NRXN1: variants seen among roughly 807,000 people sequenced by gnomAD.
The protein encoded by NRXN1 is neurexin 1.
In NRXN1, 39 loss-of-function variants were observed where a neutral mutation model predicts 150.9. The observed-to-expected ratio is 0.26, with a 90% CI of 0.20 to 0.34. The LOEUF (loss-of-function observed/expected upper bound fraction) is 0.34, where lower values mean the gene tolerates loss of function less well. Among genes scored for constraint, NRXN1 ranks in the 10% least tolerant of loss-of-function variants. The pLI is 1.00. For missense variants in NRXN1, 1,815 were observed against 1,949.9 expected (o/e 0.93, Z 1.30); for synonymous variants, 924 against 757.0 (o/e 1.22, Z -3.62).
intron 2 of NRXN1, among the ~76,000 whole-genome samples, chr2:50,945,381 T>G (rs970544980): frequency 6.6e-6 from 1 of 152,068 alleles, no homozygotes; most frequent in Non-Finnish European, 1.5e-5. Flanking sequence ...GGAGGATTGC[T>G]TGAGCCCAAG....
intron 17 of NRXN1, among the ~76,000 whole-genome samples, chr2:50,275,952 T>G (rs964695961): frequency 2.2e-5 from 3 of 133,826 alleles, no homozygotes; most frequent in Non-Finnish European, 4.6e-5. Flanking sequence ...TTTTTGATGA[T>G]AATAATTATC....
intron 17 of NRXN1, among the ~76,000 whole-genome samples, chr2:50,363,661 A>G (rs1039837027): frequency 7.9e-5 from 12 of 152,334 alleles, no homozygotes; most frequent in Admixed American, 6.5e-4. Context: ...AATTAGTTCA[A>G]CCATTGTGGA....
At chr2:50,003,725 T>C (rs1684311214) in intron 21 of NRXN1, among the ~76,000 whole-genome samples, 1 of 152,186 alleles carries the variant, frequency 6.6e-6, no homozygotes, top group African/African-American at 2.4e-5. Flanking sequence ...TTCCATACCA[T>C]AATACAGTGT....
chr2:50,001,176 T>G (rs1683853043), intron 21 of NRXN1, among the ~76,000 whole-genome samples: 1 of 152,148 alleles, frequency 6.6e-6, no homozygotes, highest in Non-Finnish European at 1.5e-5. Flanking sequence ...ATTTAACATC[T>G]CTAATTTCAG....
intron 18 of NRXN1, among the ~76,000 whole-genome samples, chr2:50,154,376 C>G (rs976392161): frequency 6.7e-5 from 10 of 150,032 alleles, no homozygotes; most frequent in African/African-American, 2.4e-4. Flanking sequence ...TAAAATTAAA[C>G]AAAAAAAACA....
Position 50,601,567 on chromosome 2 carries a change from C to T in NRXN1, c.1320+18455G>A, listed in dbSNP as rs185611158. Among the ~76,000 whole-genome samples the T allele has an allele frequency of 9.9e-4, 150 of 152,242 alleles. 1 individual carries two copies. Among genetic ancestry groups the T allele is most frequent in the Non-Finnish European group, 1.6e-3 (111 of 68,014 alleles). On this transcript the variant is annotated intron_variant, in intron 8 of 22. Transcript: ENST00000401669. ...TGTTCAAAGATATCCAAAATGTTCA[C>T]CCTTGGCAAGCGATGGATGGGAAGA...
At chr2:50,977,020 T>C (rs1695951154) in intron 2 of NRXN1, among the ~76,000 whole-genome samples, 1 of 152,000 alleles carries the variant, frequency 6.6e-6, no homozygotes, top group African/African-American at 2.4e-5. Flanking sequence ...TTCTTAGAAT[T>C]AGCACTTCTT....
intron 8 of NRXN1, among the ~76,000 whole-genome samples, chr2:50,598,427 T>G (rs942360740): frequency 6.6e-5 from 10 of 151,268 alleles, no homozygotes; most frequent in Admixed American, 6.6e-4. Flanking sequence ...TAAAATAAAA[T>G]AAACTTTTTT....
intron 5 of NRXN1, chr2:50,916,893 A>G (rs1685282913): frequency 6.6e-6 from 1 of 151,734 alleles, no homozygotes; most frequent in Non-Finnish European, 1.5e-5. Context: ...GAGATAATAC[A>G]TAAGCATATA....
intron 5 of NRXN1, among the ~76,000 whole-genome samples, chr2:50,676,427 A>G (rs1370691862): frequency 6.6e-6 from 1 of 152,196 alleles, no homozygotes; most frequent in Non-Finnish European, 1.5e-5. Flanking sequence ...TTAAGAGGAT[A>G]GGTTTTAGCG....
chr2:50,551,453 G>C (rs561435108), intron 9 of NRXN1: 30 of 152,376 alleles, frequency 2.0e-4, no homozygotes, highest in African/African-American at 7.2e-4. Flanking sequence ...GAGTTAACAA[G>C]TACTGAGGGA....
chr2:50,675,117 G>A (rs1689371682), intron 5 of NRXN1, among the ~76,000 whole-genome samples: 1 of 151,978 alleles, frequency 6.6e-6, no homozygotes, highest in Non-Finnish European at 1.5e-5. Flanking sequence ...ACCTTTCTGA[G>A]GCCTCACCAG....
chr2:50,278,131 G>A (rs1365723579), intron 17 of NRXN1, among the ~76,000 whole-genome samples: 1 of 135,320 alleles, frequency 7.4e-6, no homozygotes, highest in Non-Finnish European at 1.5e-5. Context: ...GGCAGTGGCA[G>A]GATCTTGGCT....
At chr2:50,535,367 T>C (rs1411944525) in intron 10 of NRXN1, among the ~76,000 whole-genome samples, 2 of 152,374 alleles carry the variant, frequency 1.3e-5, no homozygotes, top group South Asian at 2.1e-4. Flanking sequence ...TTTCCTTTTC[T>C]ACATTATTCT....
At chr2:50,795,094 A>C (rs1706615079) in intron 5 of NRXN1, among the ~76,000 whole-genome samples, 1 of 152,120 alleles carries the variant, frequency 6.6e-6, no homozygotes, top group South Asian at 2.1e-4. Context: ...AGTTAGTAGG[A>C]GATCATGGAG....
chr2:50,312,283 T>C (rs575531157), intron 17 of NRXN1, among the ~76,000 whole-genome samples: 1 of 152,230 alleles, frequency 6.6e-6, no homozygotes, highest in Admixed American at 6.6e-5. Flanking sequence ...AATGAAGAAT[T>C]ATGCTATTGG....
chr2:50,395,709 A>C (rs1371725885), intron 17 of NRXN1, among the ~76,000 whole-genome samples: 1 of 152,166 alleles, frequency 6.6e-6, no homozygotes, highest in Non-Finnish European at 1.5e-5. Context: ...ATATCATATA[A>C]GTTCCTGTGA....
chr2:50,316,853 G>A (rs2075650015), intron 17 of NRXN1, among the ~76,000 whole-genome samples: 1 of 151,854 alleles, frequency 6.6e-6, no homozygotes, highest in Non-Finnish European at 1.5e-5. Context: ...GAAAACCTAA[G>A]GTGAACTGAA....
At chr2:50,731,910 T>C (rs895189152) in intron 5 of NRXN1, among the ~76,000 whole-genome samples, 4 of 152,200 alleles carry the variant, frequency 2.6e-5, no homozygotes, top group African/African-American at 9.6e-5. Flanking sequence ...AGTTATCTTA[T>C]ATCTTGTCTA....
Sources: gnomAD v4.1 joint callset for allele counts (sites outside exome capture counted in the v4.1 genomes callset) on GRCh38, gnomAD v4.1.1 for gene constraint, MANE v1.5 for transcripts, NCBI Gene and HGNC (gene_info 2026-07-23, HGNC 2026-07-21) for gene names.